CA5A: variants seen among roughly 807,000 people sequenced by gnomAD.
CA5A encodes carbonic anhydrase 5A, also known as carbonic anhydrase 5A, mitochondrial.
A neutral mutation model predicts 37.1 loss-of-function variants in CA5A; 28 were observed. The observed-to-expected ratio is 0.75, with a 90% CI of 0.56 to 1.03. The LOEUF is 1.03. Ranked by LOEUF, CA5A falls within the 50% of genes least tolerant of loss-of-function variation. CA5A has a pLI of 0.00. For synonymous variants in CA5A, 171 were observed against 158.4 expected (o/e 1.08, Z -0.60); for missense variants, 444 against 399.9 (o/e 1.11, Z -0.94).
intron 1 of CA5A, among the ~76,000 whole-genome samples, chr16:87,928,641 T>A (rs1208438368): frequency 6.6e-6 from 1 of 152,176 alleles, no homozygotes; most frequent in Non-Finnish European, 1.5e-5. Flanking sequence ...ACACAATTTT[T>A]AAAATCCATT....
At chr16:87,895,818 A>G (rs1358941641) in intron 5 of CA5A, among the ~76,000 whole-genome samples, 2 of 152,060 alleles carry the variant, frequency 1.3e-5, no homozygotes, top group Non-Finnish European at 2.9e-5. Flanking sequence ...AGGCTCACCC[A>G]CACCGCAGCA....
chr16:87,890,494 G>T (rs1425338568), intron 6 of CA5A, among the ~76,000 whole-genome samples: 3 of 152,308 alleles, frequency 2.0e-5, no homozygotes, highest in African/African-American at 7.2e-5. Flanking sequence ...GCTGAGAAAC[G>T]TCTGCCGGGC....
downstream of CA5A, chr16:87,883,322 C>CTT (rs1474632659): frequency 7.0e-6 from 1 of 142,472 alleles, no homozygotes; most frequent in African/African-American, 2.7e-5. Context: ...CGCGCCTAGC[C>CTT]TTAGTTTTTT....
At chr16:87,933,386 A>AT (rs1319507300) in intron 1 of CA5A, among the ~76,000 whole-genome samples, 6 of 152,054 alleles carry the variant, frequency 3.9e-5, no homozygotes, top group Non-Finnish European at 7.4e-5. Context: ...CCCTAAAATT[A>AT]TTTTTTCTTA....
chr16:87,912,885 G>A (rs112491209), intron 2 of CA5A, among the ~76,000 whole-genome samples: 5,020 of 152,316 alleles, frequency 0.033, 277 homozygotes, highest in African/African-American at 0.11. Context: ...ACCAGCCGGC[G>A]AAGGCACTGT....
At chr16:87,930,131 T>G (rs1567539131) in intron 1 of CA5A, among the ~76,000 whole-genome samples, 1 of 152,186 alleles carries the variant, frequency 6.6e-6, no homozygotes, top group Non-Finnish European at 1.5e-5. Context: ...GCTAGGGGTC[T>G]GCTGTCTGTC....
intron 1 of CA5A, among the ~76,000 whole-genome samples, chr16:87,933,170 C>T (rs535438359): frequency 1.3e-5 from 2 of 152,206 alleles, no homozygotes; most frequent in Non-Finnish European, 2.9e-5. Context: ...CAAAAATGTG[C>T]AGCAGTGTGC....
intron 1 of CA5A, 115 bp downstream of exon 1, chr16:87,936,194 A>C: frequency 1.3e-5 from 7 of 542,730 alleles, no homozygotes; most frequent in South Asian, 2.4e-5. Flanking sequence ...AAAAAAACGG[A>C]GTGGAAATCT....
intron 2 of CA5A, among the ~76,000 whole-genome samples, chr16:87,905,880 G>C (rs1160938982): frequency 6.6e-6 from 1 of 152,222 alleles, no homozygotes; most frequent in Admixed American, 6.5e-5. Context: ...CCAGGAGCTT[G>C]CTTCTCCTGA....
intron 1 of CA5A, among the ~76,000 whole-genome samples, chr16:87,932,188 T>A (rs552277465): frequency 1.3e-5 from 2 of 152,118 alleles, no homozygotes; most frequent in African/African-American, 4.8e-5. Flanking sequence ...GAGTGCACTC[T>A]ACCCCCCCTC....
rs369600488 is a variant in CA5A, at chr16:87,891,886, G to A, written c.687C>T (p.Thr229=). 21 of 1,574,992 alleles carry A rather than the reference G, an allele frequency of 1.3e-5. No individual in the cohort carries two copies. The East Asian group carries it at 1.7e-4, about 13-fold the overall frequency. Residue 229 remains threonine, a synonymous_variant, in exon 6 of 7, where the codon ACC becomes ACT. Coordinates refer to ENST00000649794, the MANE Select transcript of CA5A (RefSeq NM_001739.2). ...TLLPTCWDYW[T]YAGSLTTPPL... ...GCGGGGTGGTGAGCGAGCCCGCGTAGGTCCAGTAATCCCAGCAGGTGGGCA... is the reference window on the plus strand; with the variant it reads ...GCGGGGTGGTGAGCGAGCCCGCGTAAGTCCAGTAATCCCAGCAGGTGGGCA...
chr16:87,890,248 C>A (rs1398787976), intron 6 of CA5A, among the ~76,000 whole-genome samples: 1 of 152,204 alleles, frequency 6.6e-6, no homozygotes, highest in Non-Finnish European at 1.5e-5. Context: ...CCCCTCCACA[C>A]CTGCCCCCCT....
At chr16:87,923,468 A>G (rs183793583) in intron 2 of CA5A, 1 of 861,274 alleles carries the variant, frequency 1.2e-6, no homozygotes, top group East Asian at 1.2e-4. Flanking sequence ...GATTATAAGC[A>G]TGAGCCAGCT....
intron 6 of CA5A, among the ~76,000 whole-genome samples, chr16:87,890,814 G>A (rs1351827993): frequency 6.6e-6 from 1 of 151,518 alleles, no homozygotes; most frequent in Non-Finnish European, 1.5e-5. Context: ...ATTTATTTGA[G>A]ATGGAGTTTT....
chr16:87,917,748 C>T (rs1438877680), intron 2 of CA5A, among the ~76,000 whole-genome samples: 3 of 98,778 alleles, frequency 3.0e-5, no homozygotes, highest in African/African-American at 1.6e-4. Flanking sequence ...CACACATGCA[C>T]ACATGTATAC....
At chr16:87,918,371 C>A (rs908794488) in intron 2 of CA5A, among the ~76,000 whole-genome samples, 4 of 152,016 alleles carry the variant, frequency 2.6e-5, no homozygotes, top group African/African-American at 9.7e-5. Flanking sequence ...GGCACCTCTC[C>A]TCTCCCCCTT....
chr16:87,896,591 C>A lies in CA5A; in HGVS notation c.619-4637G>T, dbSNP rs143104597. 8.1e-3 allele frequency among the ~76,000 whole-genome samples: 1,229 copies of A among 152,314 alleles called. 15 individuals carry two copies. Among genetic ancestry groups the A allele is most frequent in the African/African-American group, 0.027 (1,132 of 41,562 alleles). ...GCCCAGCTACCTGTGGAAAGCACCACAAGCCTTTGCTGGTGGAAGTGGGTT... is the reference window on the plus strand; with the variant it reads ...GCCCAGCTACCTGTGGAAAGCACCAAAAGCCTTTGCTGGTGGAAGTGGGTT... On this transcript the variant is annotated intron_variant, in intron 5 of 6. Coordinates refer to ENST00000649794, the MANE Select transcript of CA5A (RefSeq NM_001739.2).
At chr16:87,903,958 A>C (rs56005334) in intron 3 of CA5A, among the ~76,000 whole-genome samples, 11,070 of 152,214 alleles carry the variant, frequency 0.073, 451 homozygotes, top group Middle Eastern at 0.12. Context: ...TTATCACCCC[A>C]AAAAAACTAC....
At chr16:87,882,583 CG>C (rs1441430268) in intron 4 of CA5A, 1 of 152,232 alleles carries the variant, frequency 6.6e-6, no homozygotes, top group African/African-American at 2.4e-5. Context: ...CCCAGACCAA[CG>C]GCGCTGCGAG....
Sources: gnomAD v4.1 joint callset for allele counts (sites outside exome capture counted in the v4.1 genomes callset) on GRCh38, gnomAD v4.1.1 for gene constraint, MANE v1.5 for transcripts, NCBI Gene and HGNC (gene_info 2026-07-23, HGNC 2026-07-21) for gene names.